The following CDS2 variants were observed in gnomAD, a reference collection of about 807,000 sequenced individuals.
The protein encoded by CDS2 is phosphatidate cytidylyltransferase 2.
A neutral mutation model predicts 59.0 loss-of-function variants in CDS2; 47 were observed. The ratio of observed to expected loss-of-function variants is 0.80; its 90% CI spans 0.63 to 1.02. CDS2 has a LOEUF of 1.02. Among genes scored for constraint, CDS2 ranks in the 50% least tolerant of loss-of-function variants. The probability of loss-of-function intolerance (pLI) is 0.00; values close to 1 mark genes in which losing one functional copy is unlikely to be tolerated. For missense variants in CDS2, 356 were observed against 558.9 expected, an observed-to-expected ratio of 0.64 and a Z score of 3.66; for synonymous variants, 207 against 206.4, an observed-to-expected ratio of 1.00 and a Z score of -0.02.
At chr20:5,179,107 G>T (rs2091014689) in intron 5 of CDS2, 151 bp downstream of exon 5, 4 of 585,444 alleles carry the variant, frequency 6.8e-6, no homozygotes, top group South Asian at 2.2e-5. Flanking sequence ...ATGTTAAGCT[G>T]TAGCAGCTGT....
intron 1 of CDS2, among the ~76,000 whole-genome samples, chr20:5,160,829 T>C (rs1390977803): frequency 1.3e-5 from 2 of 152,228 alleles, no homozygotes; most frequent in Non-Finnish European, 2.9e-5. Context: ...GTGTGGCTTA[T>C]TTCACTTAGC....
At position 5,197,558 on chromosome 20, in the gene CDS2, A is replaced by G. The variant is rs1044344829; in HGVS notation, c.*7324A>G. On this transcript the variant is annotated 3_prime_UTR_variant, in exon 13 of 13. Coordinates refer to ENST00000460006, the MANE Select transcript of CDS2 (RefSeq NM_003818.4). ...GATGGAATTCAGTTGTCTCACCCTG[A>G]TAGCCTGGGTGTTGATATTCACTTT... 1 of 151,674 alleles carries G rather than the reference A, an allele frequency of 6.6e-6. No homozygotes were observed. Among genetic ancestry groups the G allele is most frequent in the Non-Finnish European group, 1.5e-5 (1 of 67,978 alleles). 9.4% of individuals were successfully genotyped at this position (151,674 alleles called of 1,614,324 possible).
At chr20:5,138,836 A>G (rs762047803) in intron 1 of CDS2, among the ~76,000 whole-genome samples, 1 of 151,982 alleles carries the variant, frequency 6.6e-6, no homozygotes, top group South Asian at 2.1e-4. Context: ...GCACCACTGC[A>G]CTGCAGTATG....
intron 1 of CDS2, among the ~76,000 whole-genome samples, chr20:5,145,964 T>C (rs1039513332): frequency 2.6e-5 from 4 of 151,810 alleles, no homozygotes; most frequent in African/African-American, 9.7e-5. Context: ...TCTGGAGCCA[T>C]AGGCATGCGC....
At chr20:5,139,639 T>C (rs2090677285) in intron 1 of CDS2, among the ~76,000 whole-genome samples, 1 of 152,170 alleles carries the variant, frequency 6.6e-6, no homozygotes, top group Non-Finnish European at 1.5e-5. Flanking sequence ...TTCTAGTGCT[T>C]AGAGGAAGGC....
At position 5,175,105 on chromosome 20, in the gene CDS2, A is replaced by G. The variant is rs116924724; in HGVS notation, c.195-78A>G. ...CAGGGCCCTCATCTCAGGAAGATCC[A>G]TATCCCTTGAGTTTGTGCATTGGTT... On this transcript the variant is annotated intron_variant, in intron 2 of 12. Transcript: ENST00000460006. The G allele has an allele frequency of 3.3e-3, 3,369 of 1,026,120 alleles. 16 individuals carry two copies. The highest frequency in any genetic ancestry group is 3.5e-3 in the Non-Finnish European group (2,271 of 646,576). 63.6% of individuals were successfully genotyped at this position (1,026,120 alleles called of 1,614,324 possible). A position where few individuals can be genotyped will look rare whatever the true frequency, so the allele number is the denominator to read the frequency against.
chr20:5,164,364 C>G (rs986007547), intron 1 of CDS2, among the ~76,000 whole-genome samples: 4 of 152,062 alleles, frequency 2.6e-5, no homozygotes, highest in African/African-American at 9.7e-5. Flanking sequence ...CTCATGTCTA[C>G]TTATTTTGTC....
rs76946271 is a variant in CDS2 at position 5,190,024 on chromosome 20, A to G, written c.1206-78A>G. ...TAGATAACTCTCTGATCCAGAGATC[A>G]GAGCAGCCACTCAGATAATCAGGCC... On this transcript the variant is annotated intron_variant, in intron 12 of 12. Coordinates refer to ENST00000460006, the MANE Select transcript of CDS2 (RefSeq NM_003818.4). 3,939 of 1,550,360 alleles carry G rather than the reference A, an allele frequency of 2.5e-3. 62 individuals carry two copies. The African/African-American group carries it at 0.04, about 16-fold the overall frequency.
rs1406963269 is a variant in CDS2, at chr20:5,195,237, G to T, written c.*5003G>T. ...TTTTGTTGAGCTCAGCTGGTAGTTT[G>T]ACCTCCGTTGGTGCAATGCCAGAGA... On this transcript the variant is annotated 3_prime_UTR_variant, in exon 13 of 13. Transcript: ENST00000460006. The T allele has an allele frequency of 6.6e-6, 1 of 152,272 alleles. No individual in the cohort carries two copies. Among genetic ancestry groups the T allele is most frequent in the Non-Finnish European group, 1.5e-5 (1 of 68,072 alleles). 9.4% of individuals were successfully genotyped at this position (152,272 alleles called of 1,614,324 possible).
rs557064948 is a variant in CDS2 at position 5,184,486 on chromosome 20, C to T, written c.672-372C>T. Among the ~76,000 whole-genome samples the T allele has an allele frequency of 4.6e-5, 7 of 152,004 alleles. No individual in the cohort carries two copies. Among genetic ancestry groups the T allele is most frequent in the African/African-American group, 9.7e-5 (4 of 41,438 alleles). ...CCACTAGAAAAATAAAAATTAGAAA[C>T]GATTAGAAGTGGTTATTTTTGGGAA... is the stretch of plus-strand genomic sequence containing the variant. On this transcript the variant is annotated intron_variant, in intron 7 of 12. Transcript: ENST00000460006. The surrounding 1 kb of genome is among the most constrained non-coding windows in gnomAD (Gnocchi z 4.3).
intron 1 of CDS2, among the ~76,000 whole-genome samples, chr20:5,127,355 G>C (rs532694272): frequency 6.8e-4 from 104 of 152,290 alleles, no homozygotes; most frequent in African/African-American, 2.4e-3. Flanking sequence ...CCCGGCTCAG[G>C]GTCTGACTGA....
chr20:5,130,862 C>T (rs1186468126), intron 1 of CDS2, among the ~76,000 whole-genome samples: 6 of 151,454 alleles, frequency 4.0e-5, no homozygotes, highest in Admixed American at 2.6e-4. Flanking sequence ...GAGGACGAGG[C>T]GGGTGGATCA....
At chr20:5,145,385 C>T (rs891165655) in intron 1 of CDS2, among the ~76,000 whole-genome samples, 23 of 152,010 alleles carry the variant, frequency 1.5e-4, no homozygotes, top group African/African-American at 5.1e-4. Context: ...GGAATAGCCA[C>T]GTTCTCTGCA....
intron 1 of CDS2, among the ~76,000 whole-genome samples, chr20:5,154,130 T>A (rs1676477058): frequency 6.6e-6 from 1 of 152,154 alleles, no homozygotes; most frequent in African/African-American, 2.4e-5. Context: ...AGGGCCTGAG[T>A]GCTAAGCTGT....
At chr20:5,169,462 A>G (rs543818177) in intron 1 of CDS2, among the ~76,000 whole-genome samples, 1 of 152,350 alleles carries the variant, frequency 6.6e-6, no homozygotes, top group South Asian at 2.1e-4. Context: ...TTGGTCCATC[A>G]TAGGTCAAGT....
chr20:5,165,455 G>T (rs1450118174), intron 1 of CDS2, among the ~76,000 whole-genome samples: 1 of 152,256 alleles, frequency 6.6e-6, no homozygotes, highest in African/African-American at 2.4e-5. Context: ...CAGGCCAGGT[G>T]CTGGGGGTAC....
intron 1 of CDS2, among the ~76,000 whole-genome samples, chr20:5,155,825 G>A (rs1273641328): frequency 6.6e-6 from 1 of 152,104 alleles, no homozygotes; most frequent in African/African-American, 2.4e-5. Context: ...AATCACAGGA[G>A]GTTTTTCTTA....
intron 1 of CDS2, among the ~76,000 whole-genome samples, chr20:5,143,956 G>C (rs1213711395): frequency 6.6e-6 from 1 of 151,700 alleles, no homozygotes; most frequent in African/African-American, 2.4e-5. Flanking sequence ...GTAGAGACAG[G>C]GTTTTCCCAT....
At chr20:5,176,504 AG>A in intron 3 of CDS2, 143 bp from the exon 4 acceptor site, 1 of 662,864 alleles carries the variant, frequency 1.5e-6, no homozygotes, top group African/African-American at 1.8e-5. Context: ...GGTATGAGAG[AG>A]GAAGAAGGAG....
Sources: gnomAD v4.1 joint callset for allele counts (sites outside exome capture counted in the v4.1 genomes callset) on GRCh38, gnomAD v4.1.1 for gene constraint, Gnocchi (gnomAD v3.1) non-coding constraint, MANE v1.5 for transcripts, NCBI Gene and HGNC (gene_info 2026-07-23, HGNC 2026-07-21) for gene names.